PTPRD: variants seen among roughly 807,000 people sequenced by gnomAD.
The protein encoded by PTPRD is protein tyrosine phosphatase receptor type D.
PTPRD carries 34 observed loss-of-function variants against 214.5 expected under a neutral mutation model. The ratio of observed to expected loss-of-function variants is 0.16; its 90% confidence interval spans 0.12 to 0.21. The LOEUF (loss-of-function observed/expected upper bound fraction) is 0.21. Among genes scored for constraint, PTPRD ranks in the 10% least tolerant of loss-of-function variants. The pLI is 1.00. For synonymous variants in PTPRD, 1,128 were observed against 845.7 expected, an observed-to-expected ratio of 1.33 and a Z score of -5.79; for missense variants, 2,545 against 2,398.7, an observed-to-expected ratio of 1.06 and a Z score of -1.27.
chr9:10,576,495 T>C (rs1233403438), intron 2 of PTPRD, among the ~76,000 whole-genome samples: 3 of 152,128 alleles, frequency 2.0e-5, no homozygotes, highest in Admixed American at 6.6e-5. Context: ...CTGACTGTTA[T>C]TGCAAAAACA....
Position 9,216,003 on chromosome 9 carries a change from A to G in PTPRD, c.-202-32640T>C, listed in dbSNP as rs1217897555. Among the ~76,000 whole-genome samples the G allele has an allele frequency of 3.3e-5, 5 of 152,266 alleles. No individual in the cohort carries two copies. The South Asian group carries it at 8.3e-4, about 25-fold the overall frequency. On this transcript the variant is annotated intron_variant, in intron 9 of 45. Transcript: ENST00000381196. The stretch of plus-strand genomic sequence containing the variant: ...TGTGTTGAGTGTCACCTGTATAAAC[A>G]TTGGCAGTACTTGCTGTGTGGTTCA...
intron 11 of PTPRD, among the ~76,000 whole-genome samples, chr9:8,751,738 G>A (rs2093555011): frequency 6.6e-6 from 1 of 152,142 alleles, no homozygotes; most frequent in Non-Finnish European, 1.5e-5. Context: ...ACCCCAACAT[G>A]AAGTCATTTA....
chr9:10,445,344 C>T (rs147167495), intron 2 of PTPRD, among the ~76,000 whole-genome samples: 7 of 152,108 alleles, frequency 4.6e-5, no homozygotes, highest in African/African-American at 1.7e-4. Context: ...GTTGGAGTTG[C>T]ATTTTTAGGC....
intron 2 of PTPRD, among the ~76,000 whole-genome samples, chr9:10,395,208 T>C (rs1587120641): frequency 1.3e-5 from 2 of 151,636 alleles, no homozygotes. Context: ...CCCATTAACT[T>C]GTCATTTACA....
intron 11 of PTPRD, among the ~76,000 whole-genome samples, chr9:8,946,004 C>G (rs2099061687): frequency 6.6e-6 from 1 of 152,138 alleles, no homozygotes; most frequent in Non-Finnish European, 1.5e-5. Context: ...GAAAGTCCTC[C>G]TAAGCCATGT....
intron 8 of PTPRD, among the ~76,000 whole-genome samples, chr9:9,409,671 C>A (rs2074723189): frequency 6.6e-6 from 1 of 151,952 alleles, no homozygotes; most frequent in Non-Finnish European, 1.5e-5. Flanking sequence ...TCAGTAACTA[C>A]AATAAGCTGA....
intron 11 of PTPRD, among the ~76,000 whole-genome samples, chr9:8,786,792 TAACA>T (rs1318689784): frequency 1.9e-4 from 29 of 152,110 alleles, no homozygotes; most frequent in Non-Finnish European, 1.0e-4. Flanking sequence ...GTATTTTCAT[TAACA>T]AACTGATTCC....
chr9:10,374,211 A>T (rs2097684910), intron 2 of PTPRD, among the ~76,000 whole-genome samples: 1 of 152,144 alleles, frequency 6.6e-6, no homozygotes, highest in African/African-American at 2.4e-5. Context: ...CTCTTGAATT[A>T]GTTGATGCTA....
intron 11 of PTPRD, among the ~76,000 whole-genome samples, chr9:8,934,107 A>G (rs1435671678): frequency 1.3e-5 from 2 of 151,994 alleles, no homozygotes; most frequent in African/African-American, 4.8e-5. Context: ...CCAGATGTGC[A>G]AATGGCTAAT....
Position 9,442,571 on chromosome 9 carries a change from G to T in PTPRD, c.-236-45089C>A, listed in dbSNP as rs2088514631. The stretch of plus-strand genomic sequence containing the variant: ...ATAAAGCCCAAATGAAGGTATAAAT[G>T]ACTGTCAAGTTCTCTGGGGTACAGT... On this transcript the variant is annotated intron_variant, in intron 8 of 45. Coordinates refer to ENST00000381196, the MANE Select transcript of PTPRD (RefSeq NM_002839.4). 2.6e-5 allele frequency among the ~76,000 whole-genome samples: 4 copies of T among 152,194 alleles called. No individual in the cohort carries two copies. In the South Asian group the frequency reaches 8.3e-4, roughly 32 times the overall value.
chr9:8,646,084 A>G (rs1236599480), intron 12 of PTPRD, among the ~76,000 whole-genome samples: 1 of 151,996 alleles, frequency 6.6e-6, no homozygotes, highest in Non-Finnish European at 1.5e-5. Context: ...AATGAAAGCT[A>G]CAGGTGCCTG....
At position 8,618,923 on chromosome 9, in the gene PTPRD, T is replaced by G. The variant is rs867077443; in HGVS notation, c.352+14394A>C. 2.5e-3 allele frequency among the ~76,000 whole-genome samples: 357 copies of G among 143,322 alleles called. 4 individuals carry two copies. The highest frequency in any genetic ancestry group is 0.019 in the East Asian group (90 of 4,856). 94.0% of individuals were successfully genotyped at this position (143,322 alleles called of 152,430 possible). Reference sequence around the variant, plus strand: ...TTGTCTGTGTTTTTTTGTTTTTTTTTTTTTTTTTTTTTTTTTACCGGAAAC... The same window carrying G: ...TTGTCTGTGTTTTTTTGTTTTTTTTGTTTTTTTTTTTTTTTTACCGGAAAC... On this transcript the variant is annotated intron_variant, in intron 14 of 45. Coordinates refer to ENST00000381196, the MANE Select transcript of PTPRD (RefSeq NM_002839.4).
chr9:8,711,642 T>A (rs897643551), intron 12 of PTPRD, among the ~76,000 whole-genome samples: 3 of 152,144 alleles, frequency 2.0e-5, no homozygotes, highest in Non-Finnish European at 4.4e-5. Flanking sequence ...TTTTATGAAA[T>A]CTATTAGCCC....
chr9:9,894,838 T>G (rs1487507609), intron 5 of PTPRD, among the ~76,000 whole-genome samples: 1 of 151,734 alleles, frequency 6.6e-6, no homozygotes, highest in Admixed American at 6.6e-5. Flanking sequence ...AAATGTCTGT[T>G]TTTTTTCTGA....
intron 3 of PTPRD, among the ~76,000 whole-genome samples, chr9:10,176,408 T>C (rs35892078): frequency 0.061 from 9,301 of 151,868 alleles, 291 homozygotes; most frequent in East Asian, 0.099. Flanking sequence ...ATCACTCAGA[T>C]TATCCATAAA....
rs550621698 is a variant in PTPRD, at chr9:9,759,164, A to C, written c.-326+7646T>G. ...AGCAGGTCCCTAGCTCCTTTTTCAC[A>C]GTAAATCTATTCCTAGCCTGATGCC... On this transcript the variant is annotated intron_variant, in intron 6 of 45. Transcript: ENST00000381196. 2.6e-5 allele frequency among the ~76,000 whole-genome samples: 4 copies of C among 152,326 alleles called. No individual in the cohort carries two copies. In the South Asian group the frequency reaches 8.3e-4, roughly 32 times the overall value.
intron 10 of PTPRD, among the ~76,000 whole-genome samples, chr9:9,146,915 G>A (rs1251972830): frequency 6.6e-6 from 1 of 152,120 alleles, no homozygotes; most frequent in Non-Finnish European, 1.5e-5. Context: ...CACACGTGGA[G>A]CAGCTGCAGT....
intron 9 of PTPRD, among the ~76,000 whole-genome samples, chr9:9,319,094 C>G (rs1280066498): frequency 6.6e-6 from 1 of 152,204 alleles, no homozygotes; most frequent in East Asian, 1.9e-4. Context: ...ATTGATTTAT[C>G]ACTTTTTAAA....
At chr9:9,039,349 T>A (rs1293457476) in intron 10 of PTPRD, among the ~76,000 whole-genome samples, 1 of 152,166 alleles carries the variant, frequency 6.6e-6, no homozygotes, top group East Asian at 1.9e-4. Flanking sequence ...AGAACCCAGG[T>A]ATGAAATCCA....
Sources: gnomAD v4.1 joint callset for allele counts (sites outside exome capture counted in the v4.1 genomes callset) on GRCh38, gnomAD v4.1.1 for gene constraint, MANE v1.5 for transcripts, NCBI Gene and HGNC (gene_info 2026-07-23, HGNC 2026-07-21) for gene names.